Variants in ITIH3 observed in about 807,000 individuals in gnomAD.
ITIH3 encodes the protein inter-alpha-trypsin inhibitor heavy chain H3.
In ITIH3, 81 loss-of-function variants were observed where a neutral mutation model predicts 96.5. That is an observed-to-expected ratio of 0.84 (90% CI 0.70 to 1.01). ITIH3 has a LOEUF of 1.01. ITIH3 is among the 50% of genes least tolerant of loss of function. The pLI is 0.00. For missense variants in ITIH3, 1,057 were observed against 1,139.3 expected, an observed-to-expected ratio of 0.93 and a Z score of 1.04; for synonymous variants, 422 against 445.2, an observed-to-expected ratio of 0.95 and a Z score of 0.66.
rs150183847 is a variant in ITIH3, at chr3:52,807,909, G to A, written c.2424G>A (p.Gly808=). 3 of 1,612,592 alleles carry A rather than the reference G, an allele frequency of 1.9e-6. No homozygotes were observed. The highest frequency in any genetic ancestry group is 2.7e-5 in the African/African-American group (2 of 75,010). ...ACCGGATGTCAGCACAGACGCATGG[G>A]CTGCTGGGTACGAAGTGTTCAGACT... ...DSHRMSAQTH[G]LLGQFFQPFD... Residue 808 remains glycine (G), a synonymous_variant, in exon 20 of 22, where the codon GGG becomes GGA. Coordinates refer to ENST00000449956, the MANE Select transcript of ITIH3 (RefSeq NM_002217.4).
At position 52,803,945 on chromosome 3, in the gene ITIH3, A is replaced by C. The variant is rs766489697; in HGVS notation, c.1800A>C (p.Ser600=). The change falls in exon 14 of 22, where the codon TCA becomes TCC. Residue 600 remains serine (S), a synonymous_variant. Coordinates refer to ENST00000449956, the MANE Select transcript of ITIH3 (RefSeq NM_002217.4). ...LKYHFVTPLT[S]MVVTKPEDNE... is the part of the protein sequence containing the mutation. ...ATCACTTTGTGACTCCACTGACCTC[A>C]ATGGTGGTGACCAAGCCTGAGGACA... 6.2e-7 allele frequency: 1 copy of C among 1,613,858 alleles called. No homozygotes were observed. The highest frequency in any genetic ancestry group is 8.5e-7 in the Non-Finnish European group (1 of 1,179,850).
chr3:52,800,413 G>T (rs1394308617), intron 9 of ITIH3, 125 bp from the exon 10 acceptor site: 2 of 1,108,608 alleles, frequency 1.8e-6, no homozygotes, highest in Non-Finnish European at 2.6e-6. Context: ...TACCACCATG[G>T]GCTGGCAGAT....
intron 14 of ITIH3, chr3:52,804,459 C>G: frequency 6.1e-6 from 3 of 489,978 alleles, no homozygotes; most frequent in Non-Finnish European, 1.1e-5. Context: ...GTCCCAAATG[C>G]CCACTGCAAC....
chr3:52,806,054 T>C (rs750743359), intron 16 of ITIH3, 49 bp from the exon 17 acceptor site: 1 of 1,576,172 alleles, frequency 6.3e-7, no homozygotes. Flanking sequence ...GTCGGGCGCC[T>C]CCCAGGGCCA....
rs1236760612 is a variant in ITIH3, at chr3:52,795,613, T to C, written c.104T>C (p.Leu35Pro). 2 of 1,612,364 alleles carry C rather than the reference T, an allele frequency of 1.2e-6. No homozygotes were observed. Among genetic ancestry groups the C allele is most frequent in the South Asian group, 2.2e-5 (2 of 90,600 alleles). Reference protein sequence around the residue: ...SPFRLLGKRSLPEGVANGIEV... With the variant: ...SPFRLLGKRSPPEGVANGIEV... Reference sequence around the variant, plus strand: ...TTTTTGTTTTTTCAGAAACGGAGCCTCCCGGAAGGGGTAAGAACTTTCACC... The same window carrying C: ...TTTTTGTTTTTTCAGAAACGGAGCCCCCCGGAAGGGGTAAGAACTTTCACC... The change falls in exon 2 of 22, where the codon CTC becomes CCC. Residue 35 changes from leucine (L) to proline (P), a missense_variant. By Grantham distance (98) the Leu-to-Pro change is moderately conservative. Transcript: ENST00000449956.
chr3:52,797,414 G>C (rs922078842), intron 5 of ITIH3, 147 bp downstream of exon 5: 2 of 894,894 alleles, frequency 2.2e-6, no homozygotes, highest in African/African-American at 3.4e-5. Flanking sequence ...GAATTCAATG[G>C]TTCTGGCCAA....
rs755216594 is a variant in ITIH3, at chr3:52,801,125, T to C, written c.1362T>C (p.Ser454=). The stretch of plus-strand genomic sequence containing the variant: ...TTGCCCGGCGCATTTATGAGGACTC[T>C]GATGCCGATTTGCAGTTGCAGGTAT... ...HGFARRIYED[S]DADLQLQGFY... The change falls in exon 11 of 22, where the codon TCT becomes TCC. Residue 454 remains serine, a synonymous_variant. Transcript: ENST00000449956. 1 of 1,583,270 alleles carries C rather than the reference T, an allele frequency of 6.3e-7. No individual in the cohort carries two copies. The highest frequency in any genetic ancestry group is 8.6e-7 in the Non-Finnish European group (1 of 1,165,068).
chr3:52,806,201 G>T (rs766559390), intron 17 of ITIH3, 63 bp downstream of exon 17: 13 of 1,597,782 alleles, frequency 8.1e-6, no homozygotes, highest in Non-Finnish European at 1.1e-5. Flanking sequence ...TGCCTGTCTC[G>T]GAGTCGAGCC....
At position 52,802,315 on chromosome 3, in the gene ITIH3, G is replaced by A. The variant is rs1699861478; in HGVS notation, c.1384-19G>A. On this transcript the variant is annotated intron_variant, in intron 11 of 21. Coordinates refer to ENST00000449956, the MANE Select transcript of ITIH3 (RefSeq NM_002217.4). ...GCCTGACCTGGGGCTTGAGATGACT[G>A]GCCCCGTGCGAACTTCAGGGCTTCT... 6.2e-7 allele frequency: 1 copy of A among 1,612,268 alleles called. No individual in the cohort carries two copies. Among genetic ancestry groups the A allele is most frequent in the Admixed American group, 1.7e-5 (1 of 59,890 alleles).
At position 52,799,026 on chromosome 3, in the gene ITIH3, T is replaced by C; in HGVS notation, c.724T>C (p.Ser242Pro). Reference protein sequence around the residue: ...QQRSCPTCTDSLLNGDFTITY... With the variant: ...QQRSCPTCTDPLLNGDFTITY... ...GCGTTCATGCCCAACCTGTACAGAC[T>C]CCCTCCTCAATGGAGATTTCACTAT... is the stretch of plus-strand genomic sequence containing the variant. Residue 242 changes from serine (S) to proline (P), a missense_variant, in exon 7 of 22, where the codon TCC (serine) becomes CCC (proline). By Grantham distance (74) the Ser-to-Pro change is moderately conservative. Coordinates refer to ENST00000449956, the MANE Select transcript of ITIH3 (RefSeq NM_002217.4). 1 of 1,613,580 alleles carries C rather than the reference T, an allele frequency of 6.2e-7. No homozygotes were observed. Among genetic ancestry groups the C allele is most frequent in the Non-Finnish European group, 8.5e-7 (1 of 1,179,736 alleles).
At chr3:52,808,494 T>G in intron 21 of ITIH3, 58 bp from the exon 22 acceptor site, 1 of 1,592,558 alleles carries the variant, frequency 6.3e-7, no homozygotes, top group Non-Finnish European at 8.6e-7. Flanking sequence ...TCAGGTCCGC[T>G]AGCCTAGCAG....
intron 6 of ITIH3, chr3:52,798,752 G>A: frequency 1.7e-6 from 1 of 581,876 alleles, no homozygotes. Flanking sequence ...AAAGGCCGGA[G>A]CGTGGTAAAC....
At chr3:52,803,591 T>C (rs1281144844) in intron 13 of ITIH3, among the ~76,000 whole-genome samples, 1 of 152,190 alleles carries the variant, frequency 6.6e-6, no homozygotes, top group Non-Finnish European at 1.5e-5. Context: ...AGTGCTGGGA[T>C]TACAGGCGTG....
chr3:52,807,190 CAGG>C, intron 19 of ITIH3, 85 bp downstream of exon 19: 1 of 1,179,902 alleles, frequency 8.5e-7, no homozygotes, highest in Non-Finnish European at 1.2e-6. Flanking sequence ...AATCCCAGGA[CAGG>C]AGATCCATGG....
intron 18 of ITIH3, among the ~76,000 whole-genome samples, chr3:52,806,674 C>A (rs190310198): frequency 1.3e-5 from 2 of 152,188 alleles, no homozygotes; most frequent in African/African-American, 4.8e-5. Context: ...TTTCTCTGAA[C>A]AACACTCCCT....
intron 6 of ITIH3, 99 bp from the exon 7 acceptor site, chr3:52,798,867 C>T: frequency 6.9e-7 from 1 of 1,458,096 alleles, no homozygotes; most frequent in Non-Finnish European, 9.4e-7. Flanking sequence ...GGGCTCCTCC[C>T]TGTGAGGCTG....
Position 52,796,861 on chromosome 3 carries a change from G to A in ITIH3, c.386+18G>A. ...TTGGTCAAGTAAGTATGGACTCCCA[G>A]GCCTTGGGGAGAATGTCTGGGATCC... On this transcript the variant is annotated intron_variant, in intron 4 of 21. Transcript: ENST00000449956. The A allele has an allele frequency of 1.3e-6, 2 of 1,540,234 alleles. No individual in the cohort carries two copies. Among genetic ancestry groups the A allele is most frequent in the Non-Finnish European group, 1.8e-6 (2 of 1,132,804 alleles).
At chr3:52,804,236 TGAGTAAA>T in intron 14 of ITIH3, 2 of 572,486 alleles carry the variant, frequency 3.5e-6, no homozygotes, top group South Asian at 4.3e-5. Context: ...TAAAGGGAAG[TGAGTAAA>T]GGGGGCACAC....
rs760261520 is a variant in ITIH3, at chr3:52,799,343, C to T, written c.790-29C>T. On this transcript the variant is annotated intron_variant, in intron 7 of 21. Coordinates refer to ENST00000449956, the MANE Select transcript of ITIH3 (RefSeq NM_002217.4). ...CAATGTGGTGTTGCTAAAAGGACAC[C>T]GGCCTCCGTCCCTCTCCCCACTTTC... The T allele has an allele frequency of 2.5e-5, 38 of 1,510,316 alleles. No homozygotes were observed. In the East Asian group the frequency reaches 4.8e-4, roughly 19 times the overall value. 93.6% of individuals were successfully genotyped at this position (1,510,316 alleles called of 1,614,324 possible). A position where few individuals can be genotyped will look rare whatever the true frequency, so the allele number is the denominator to read the frequency against.
Sources: allele counts gnomAD v4.1 joint callset (sites outside exome capture counted in the v4.1 genomes callset), GRCh38; gene constraint gnomAD v4.1.1; transcripts MANE v1.5; gene names NCBI Gene and HGNC (gene_info 2026-07-23, HGNC 2026-07-21).